Variants in DPH6 observed in about 807,000 individuals in gnomAD.
DPH6 encodes the protein diphthine--ammonia ligase.
In DPH6, 33 loss-of-function variants were observed where a neutral mutation model predicts 38.2. The ratio of observed to expected loss-of-function variants is 0.86; its 90% confidence interval spans 0.65 to 1.15. DPH6 has a LOEUF of 1.15. DPH6 is among the 50% of genes most tolerant of loss of function. The probability of loss-of-function intolerance (pLI) is 0.00; values close to 1 mark genes in which losing one functional copy is unlikely to be tolerated. For missense variants in DPH6, 325 were observed against 320.0 expected (o/e 1.02, Z -0.12); for synonymous variants, 108 against 103.0 (o/e 1.05, Z -0.30).
chr15:35,537,630 T>C (rs975031793), intron 3 of DPH6, among the ~76,000 whole-genome samples: 3 of 152,260 alleles, frequency 2.0e-5, no homozygotes, highest in Admixed American at 6.5e-5. Flanking sequence ...CTGTGACTTA[T>C]GCATTAAATT....
chr15:35,416,398 GT>G lies in DPH6; in HGVS notation c.506-5503del, dbSNP rs920616145. On this transcript the variant is annotated intron_variant, in intron 5 of 8. Coordinates refer to ENST00000256538, the MANE Select transcript of DPH6 (RefSeq NM_080650.4). ...AGGTTACGTCAGGTGATTTAGGTAG[GT>G]TTTTTTGGCATGAACAATGATTTAG... Among the ~76,000 whole-genome samples the G allele has an allele frequency of 3.3e-5, 5 of 151,918 alleles. No individual in the cohort carries two copies. In the South Asian group the frequency reaches 6.2e-4, roughly 19 times the overall value.
At chr15:35,238,316 G>A (rs1287509090) in intron 3 of DPH6, 7 of 318,554 alleles carry the variant, frequency 2.2e-5, no homozygotes, top group African/African-American at 4.3e-5. Context: ...TTGCTGTCAG[G>A]AACAGTATGG....
chr15:35,360,293 A>G (rs936980645), intron 3 of DPH6, among the ~76,000 whole-genome samples: 1 of 151,796 alleles, frequency 6.6e-6, no homozygotes, highest in Non-Finnish European at 1.5e-5. Flanking sequence ...AGGGCCTGTT[A>G]CTGCGGGCAC....
chr15:35,450,941 G>T, intron 4 of DPH6, 138 bp from the exon 5 acceptor site: 1 of 642,562 alleles, frequency 1.6e-6, no homozygotes, highest in Non-Finnish European at 2.6e-6. Context: ...AACATATTTT[G>T]CATAATGTTT....
At chr15:35,208,720 T>C in the DPH6 span, among the ~76,000 whole-genome samples, 29 of 152,318 alleles carry the variant, frequency 1.9e-4, no homozygotes, top group African/African-American at 6.7e-4. Flanking sequence ...TATATTTTAA[T>C]ATCTGGCGGT....
the DPH6 span, among the ~76,000 whole-genome samples, chr15:35,173,390 T>TTCTC: frequency 6.6e-6 from 1 of 152,220 alleles, no homozygotes; most frequent in Non-Finnish European, 1.5e-5. Flanking sequence ...ATATGCCTAT[T>TTCTC]TCTCTCTGTT....
intron 3 of DPH6, among the ~76,000 whole-genome samples, chr15:35,240,068 T>C (rs2051587117): frequency 7.0e-6 from 1 of 142,498 alleles, no homozygotes; most frequent in Non-Finnish European, 1.5e-5. Flanking sequence ...CATTCCTCCT[T>C]CTTCTCCCTT....
At chr15:35,420,511 T>C (rs2141012121) in intron 5 of DPH6, among the ~76,000 whole-genome samples, 1 of 152,264 alleles carries the variant, frequency 6.6e-6, no homozygotes, top group Middle Eastern at 3.4e-3. Context: ...AGTTTTATTT[T>C]ATTTTATTTT....
chr15:35,392,213 G>A (rs570817422), intron 6 of DPH6, among the ~76,000 whole-genome samples: 1 of 152,116 alleles, frequency 6.6e-6, no homozygotes, highest in South Asian at 2.1e-4. Context: ...TTTTCTTTCT[G>A]GCACACTTAT....
chr15:35,389,428 G>A (rs1240688110), intron 6 of DPH6, among the ~76,000 whole-genome samples: 2 of 152,124 alleles, frequency 1.3e-5, no homozygotes, highest in Non-Finnish European at 2.9e-5. Flanking sequence ...TCTGTCTAAT[G>A]TTGACAGTGG....
intron 6 of DPH6, among the ~76,000 whole-genome samples, chr15:35,384,118 T>TC (rs2052909443): frequency 6.6e-6 from 1 of 152,196 alleles, no homozygotes; most frequent in South Asian, 2.1e-4. Context: ...CCATCTCAGG[T>TC]CTGTCTCTGG....
At position 35,239,808 on chromosome 15, in the gene DPH6, G is replaced by A. The variant is rs1278804715; in HGVS notation, n.201-19226C>T. 3.6e-5 allele frequency among the ~76,000 whole-genome samples: 5 copies of A among 140,768 alleles called. 1 individual carries two copies. The highest frequency in any genetic ancestry group is 4.6e-5 in the Non-Finnish European group (3 of 64,582). 92.3% of individuals were successfully genotyped at this position (140,768 alleles called of 152,430 possible). A position where few individuals can be genotyped will look rare whatever the true frequency, so the allele number is the denominator to read the frequency against. On this transcript the variant is annotated intron_variant and non_coding_transcript_variant, in intron 3 of 3. Coordinates refer to the DPH6 transcript ENST00000560386. ...CCTAGGGGGCAAGAACCCCCCAATC[G>A]CTTATTTCCACACCCCAACCTCTTA... is the stretch of plus-strand genomic sequence containing the variant.
intron 3 of DPH6, among the ~76,000 whole-genome samples, chr15:35,346,850 T>C (rs956646250): frequency 2.6e-5 from 4 of 152,146 alleles, no homozygotes; most frequent in African/African-American, 9.6e-5. Flanking sequence ...TCTCTTTATA[T>C]TTATTCCTTG....
At chr15:35,477,959 T>C (rs1017583071) in intron 3 of DPH6, among the ~76,000 whole-genome samples, 13 of 151,934 alleles carry the variant, frequency 8.6e-5, no homozygotes, top group African/African-American at 3.1e-4. Flanking sequence ...CCTCTCCCTA[T>C]GGTCCTTCCG....
At chr15:35,496,525 G>T (rs1252172366) in intron 3 of DPH6, among the ~76,000 whole-genome samples, 2 of 110,006 alleles carry the variant, frequency 1.8e-5, no homozygotes, top group Non-Finnish European at 3.4e-5. Context: ...ATTGCACTCC[G>T]GCCTAGGCAA....
intron 3 of DPH6, among the ~76,000 whole-genome samples, chr15:35,240,035 A>G (rs369875127): frequency 0.028 from 4,001 of 141,580 alleles, 330 homozygotes; most frequent in African/African-American, 0.098. Flanking sequence ...TGCCTCCTTC[A>G]CTATGGGTAA....
chr15:35,174,613 A>T, the DPH6 span, among the ~76,000 whole-genome samples: 1 of 152,240 alleles, frequency 6.6e-6, no homozygotes, highest in East Asian at 1.9e-4. Context: ...CAAACCTAAC[A>T]GTCATACTGA....
At chr15:35,152,648 T>C in the DPH6 span, among the ~76,000 whole-genome samples, 2 of 152,084 alleles carry the variant, frequency 1.3e-5, no homozygotes, top group Non-Finnish European at 2.9e-5. Flanking sequence ...TACAGGCATG[T>C]GCCACCACAC....
intron 2 of DPH6, among the ~76,000 whole-genome samples, chr15:35,539,031 C>T (rs1025313447): frequency 3.3e-5 from 5 of 151,926 alleles, no homozygotes; most frequent in Admixed American, 6.6e-5. Context: ...AGAGCAGTTA[C>T]AAATGTGCAT....
Sources: gnomAD v4.1 joint callset for allele counts (sites outside exome capture counted in the v4.1 genomes callset) on GRCh38, gnomAD v4.1.1 for gene constraint, MANE v1.5 for transcripts, NCBI Gene and HGNC (gene_info 2026-07-23, HGNC 2026-07-21) for gene names.